The following GALNTL6 variants were observed in gnomAD, a reference collection of about 807,000 sequenced individuals.
GALNTL6 encodes polypeptide N-acetylgalactosaminyltransferase-like 6.
In GALNTL6, 46 loss-of-function variants were observed where a neutral mutation model predicts 73.7. The observed-to-expected ratio is 0.62, with a 90% CI of 0.49 to 0.80. GALNTL6 has a LOEUF of 0.80. Among genes scored for constraint, GALNTL6 ranks in the 30% least tolerant of loss-of-function variants. The pLI is 0.00. For synonymous variants in GALNTL6, 259 were observed against 263.7 expected (o/e 0.98, Z 0.17); for missense variants, 604 against 755.0 (o/e 0.80, Z 2.34).
intron 2 of GALNTL6, among the ~76,000 whole-genome samples, chr4:171,935,107 C>T (rs1183565929): frequency 1.3e-5 from 2 of 152,006 alleles, no homozygotes; most frequent in African/African-American, 4.8e-5. Flanking sequence ...TAGTAAGTAC[C>T]CTAAGTTGCT....
intron 7 of GALNTL6, among the ~76,000 whole-genome samples, chr4:172,846,371 A>G (rs1037371574): frequency 2.0e-5 from 3 of 152,178 alleles, no homozygotes; most frequent in Non-Finnish European, 4.4e-5. Flanking sequence ...TTTCACTGCT[A>G]AACAACTGAC....
chr4:171,929,376 A>C (rs547897465), intron 2 of GALNTL6, among the ~76,000 whole-genome samples: 10 of 152,130 alleles, frequency 6.6e-5, no homozygotes, highest in African/African-American at 2.4e-4. Flanking sequence ...TATTTTATAC[A>C]TAAAAGGTCT....
chr4:172,669,106 GA>G (rs1414986909), intron 5 of GALNTL6: 1 of 152,168 alleles, frequency 6.6e-6, no homozygotes, highest in Non-Finnish European at 1.5e-5. Flanking sequence ...TGGGGTGTTG[GA>G]TTATCTGTTA....
chr4:172,451,659 T>A (rs1038864726), intron 5 of GALNTL6, among the ~76,000 whole-genome samples: 2 of 152,188 alleles, frequency 1.3e-5, no homozygotes, highest in African/African-American at 4.8e-5. Flanking sequence ...ATATCCTTAT[T>A]ATAAATATTA....
At chr4:172,187,083 T>A (rs1735437564) in intron 2 of GALNTL6, among the ~76,000 whole-genome samples, 1 of 152,126 alleles carries the variant, frequency 6.6e-6, no homozygotes, top group African/African-American at 2.4e-5. Flanking sequence ...AATATCATAA[T>A]TTTATCATGT....
At chr4:171,945,330 G>A (rs1004761159) in intron 2 of GALNTL6, among the ~76,000 whole-genome samples, 3 of 151,972 alleles carry the variant, frequency 2.0e-5, no homozygotes, top group Admixed American at 2.0e-4. Context: ...AGCTACTTGT[G>A]GGGATATTAT....
chr4:171,871,336 A>C (rs1003769721), intron 2 of GALNTL6, among the ~76,000 whole-genome samples: 1 of 152,222 alleles, frequency 6.6e-6, no homozygotes, highest in African/African-American at 2.4e-5. Flanking sequence ...TACTATTATA[A>C]AAGTTATGTG....
chr4:172,420,377 A>G (rs542384638), intron 5 of GALNTL6, among the ~76,000 whole-genome samples: 69 of 152,206 alleles, frequency 4.5e-4, no homozygotes, highest in Admixed American at 1.4e-3. Flanking sequence ...CCCAGATGTT[A>G]TTTGTAATTG....
At chr4:172,264,603 A>C (rs1426790142) in intron 3 of GALNTL6, among the ~76,000 whole-genome samples, 2 of 93,662 alleles carry the variant, frequency 2.1e-5, no homozygotes, top group Non-Finnish European at 4.7e-5. Flanking sequence ...TTTGGCATAT[A>C]TATACACATA....
At chr4:172,110,859 G>C (rs1477570638) in intron 2 of GALNTL6, among the ~76,000 whole-genome samples, 1 of 152,054 alleles carries the variant, frequency 6.6e-6, no homozygotes, top group Admixed American at 6.5e-5. Flanking sequence ...TGTTCATTAT[G>C]AAGCAACTCT....
intron 2 of GALNTL6, among the ~76,000 whole-genome samples, chr4:172,047,176 C>T (rs1238195350): frequency 2.0e-5 from 3 of 152,230 alleles, no homozygotes; most frequent in Admixed American, 6.5e-5. Context: ...CTTTGGCCTC[C>T]GGACGCTCCC....
chr4:172,595,716 T>G (rs1463389940), intron 5 of GALNTL6, among the ~76,000 whole-genome samples: 1 of 152,174 alleles, frequency 6.6e-6, no homozygotes, highest in African/African-American at 2.4e-5. Flanking sequence ...ATCACCTTAT[T>G]CTAATCAGCA....
At chr4:172,797,735 CGCCAAGTTG>C (rs1740361081) in intron 5 of GALNTL6, among the ~76,000 whole-genome samples, 1 of 152,062 alleles carries the variant, frequency 6.6e-6, no homozygotes, top group Admixed American at 6.6e-5. Flanking sequence ...GACAGGGTTT[CGCCAAGTTG>C]GCCAGGTAGA....
chr4:171,871,421 TGGATA>T (rs1398286790), intron 2 of GALNTL6, among the ~76,000 whole-genome samples: 1 of 152,168 alleles, frequency 6.6e-6, no homozygotes, highest in Non-Finnish European at 1.5e-5. Flanking sequence ...AGTGAAGCTG[TGGATA>T]AGGGGGGACT....
At chr4:172,473,139 CA>C (rs1374536945) in intron 5 of GALNTL6, among the ~76,000 whole-genome samples, 1 of 152,186 alleles carries the variant, frequency 6.6e-6, no homozygotes, top group Non-Finnish European at 1.5e-5. Flanking sequence ...ATTTGTCCCA[CA>C]AATAAACTAT....
intron 5 of GALNTL6, among the ~76,000 whole-genome samples, chr4:172,479,215 C>T (rs1733350127): frequency 6.6e-6 from 1 of 152,154 alleles, no homozygotes; most frequent in South Asian, 2.1e-4. Flanking sequence ...CACCTGCACT[C>T]ATGTGTTTAT....
At chr4:172,806,868 T>C (rs1427114104) in intron 5 of GALNTL6, among the ~76,000 whole-genome samples, 1 of 152,212 alleles carries the variant, frequency 6.6e-6, no homozygotes, top group South Asian at 2.1e-4. Context: ...CACTTGTTTA[T>C]AAATTGATGA....
intron 5 of GALNTL6, among the ~76,000 whole-genome samples, chr4:172,729,131 C>T (rs1481340266): frequency 6.6e-6 from 1 of 151,852 alleles, no homozygotes; most frequent in Non-Finnish European, 1.5e-5. Context: ...GTTATTAATC[C>T]CCTTTCAGAT....
chr4:172,761,693 C>CTCTCTT (rs1208038328), intron 5 of GALNTL6, among the ~76,000 whole-genome samples: 1 of 151,846 alleles, frequency 6.6e-6, no homozygotes, highest in Non-Finnish European at 1.5e-5. Context: ...CTCTCTCTCT[C>CTCTCTT]TCTTTCTCTC....
Sources: gnomAD v4.1 joint callset for allele counts (sites outside exome capture counted in the v4.1 genomes callset) on GRCh38, gnomAD v4.1.1 for gene constraint, MANE v1.5 for transcripts, NCBI Gene and HGNC (gene_info 2026-07-23, HGNC 2026-07-21) for gene names.